Variants in CDH13 observed in about 807,000 individuals in gnomAD.
CDH13 encodes cadherin-13.
Under a neutral mutation model 63.8 loss-of-function variants are expected in CDH13, and 24 were observed. The ratio of observed to expected loss-of-function variants is 0.38; its 90% confidence interval spans 0.27 to 0.53. The LOEUF (loss-of-function observed/expected upper bound fraction) is 0.53. Ranked by LOEUF, CDH13 falls within the 20% of genes least tolerant of loss-of-function variation. The pLI is 0.85. For missense variants in CDH13, 1,049 were observed against 903.1 expected (o/e 1.16, Z -2.07); for synonymous variants, 503 against 355.3 (o/e 1.42, Z -4.67).
intron 2 of CDH13, among the ~76,000 whole-genome samples, chr16:82,927,687 T>C (rs971466799): frequency 3.3e-5 from 5 of 152,184 alleles, no homozygotes; most frequent in Non-Finnish European, 5.9e-5. Flanking sequence ...CTCATCACAC[T>C]GTATTGTCAT....
At chr16:83,506,629 G>T (rs150205143) in intron 7 of CDH13, among the ~76,000 whole-genome samples, 2 of 152,188 alleles carry the variant, frequency 1.3e-5, no homozygotes, top group Non-Finnish European at 2.9e-5. Context: ...ATGCTCCTGC[G>T]TGGTCCCCTC....
chr16:83,440,005 G>A lies in CDH13; in HGVS notation c.782-46472G>A, dbSNP rs144435488. ...AGGAGAGAGTAGGGCTGATGTGGTA[G>A]AGGGTGGACCCACGGTGTCTGTGCA... On this transcript the variant is annotated intron_variant, in intron 6 of 13. Coordinates refer to ENST00000567109, the MANE Select transcript of CDH13 (RefSeq NM_001257.5). 1.8e-4 allele frequency among the ~76,000 whole-genome samples: 28 copies of A among 152,328 alleles called. No homozygotes were observed. In the East Asian group the frequency reaches 4.8e-3, roughly 26 times the overall value.
chr16:83,001,521 G>A (rs569765545), intron 2 of CDH13, among the ~76,000 whole-genome samples: 1 of 152,362 alleles, frequency 6.6e-6, no homozygotes, highest in Admixed American at 6.5e-5. Flanking sequence ...CAGGGCCTCA[G>A]CCAGGGAGCT....
At chr16:83,151,526 G>T (rs2036978962) in intron 4 of CDH13, among the ~76,000 whole-genome samples, 1 of 152,088 alleles carries the variant, frequency 6.6e-6, no homozygotes, top group South Asian at 2.1e-4. Flanking sequence ...CAGAACAACT[G>T]AACCCCTAAA....
At chr16:83,377,536 T>C (rs377716741) in intron 6 of CDH13, among the ~76,000 whole-genome samples, 4 of 152,318 alleles carry the variant, frequency 2.6e-5, no homozygotes, top group African/African-American at 9.6e-5. Flanking sequence ...ATAGTAGTAT[T>C]ATTTCACTCA....
chr16:83,195,089 G>A (rs2038840311), intron 4 of CDH13, among the ~76,000 whole-genome samples: 1 of 152,168 alleles, frequency 6.6e-6, no homozygotes, highest in African/African-American at 2.4e-5. Context: ...AATGTAAAAT[G>A]TGGAGAATTA....
chr16:83,473,506 TCAGC>T (rs1375989184), intron 6 of CDH13, among the ~76,000 whole-genome samples: 9 of 152,144 alleles, frequency 5.9e-5, no homozygotes, highest in Admixed American at 2.0e-4. Context: ...ACCTGGAACT[TCAGC>T]CAGGTCACTT....
intron 1 of CDH13, among the ~76,000 whole-genome samples, chr16:82,680,163 C>T (rs1198570147): frequency 1.3e-5 from 2 of 152,156 alleles, no homozygotes; most frequent in African/African-American, 2.4e-5. Flanking sequence ...GCAGGAAGGA[C>T]TCCTGGACAG....
At chr16:83,159,583 A>G (rs78423309) in intron 4 of CDH13, among the ~76,000 whole-genome samples, 8,274 of 152,316 alleles carry the variant, frequency 0.054, 278 homozygotes, top group African/African-American at 0.064. Flanking sequence ...ACATGTTAAC[A>G]TAGGCACATA....
chr16:82,963,977 G>A (rs895724434), intron 2 of CDH13, among the ~76,000 whole-genome samples: 3 of 152,162 alleles, frequency 2.0e-5, no homozygotes, highest in Non-Finnish European at 4.4e-5. Flanking sequence ...CCCACACACC[G>A]CTGTTCACAC....
chr16:83,626,429 C>G (rs1013150883), intron 8 of CDH13, among the ~76,000 whole-genome samples: 1 of 152,292 alleles, frequency 6.6e-6, no homozygotes, highest in African/African-American at 2.4e-5. Context: ...TCAGGTCATT[C>G]TGCAGGCGTT....
At chr16:83,316,230 C>T (rs892532750) in intron 5 of CDH13, among the ~76,000 whole-genome samples, 2 of 152,182 alleles carry the variant, frequency 1.3e-5, no homozygotes, top group African/African-American at 2.4e-5. Context: ...TCCCCAAACA[C>T]GTGGGGATTA....
At chr16:82,958,063 T>C (rs1470977753) in intron 2 of CDH13, among the ~76,000 whole-genome samples, 7 of 152,206 alleles carry the variant, frequency 4.6e-5, no homozygotes, top group African/African-American at 1.7e-4. Context: ...GTCTTTCTCT[T>C]AGTAAACTCA....
chr16:83,019,596 A>C (rs1048833932), intron 2 of CDH13, among the ~76,000 whole-genome samples: 1 of 151,178 alleles, frequency 6.6e-6, no homozygotes, highest in Non-Finnish European at 1.5e-5. Context: ...CCTGGGTTCA[A>C]GTGATCCTCC....
intron 3 of CDH13, among the ~76,000 whole-genome samples, chr16:83,099,897 T>C (rs994867534): frequency 5.3e-5 from 8 of 152,112 alleles, no homozygotes; most frequent in African/African-American, 1.7e-4. Flanking sequence ...GTTTTATGCT[T>C]TCTTCTGCCT....
intron 6 of CDH13, among the ~76,000 whole-genome samples, chr16:83,348,500 G>A (rs1298595897): frequency 6.6e-6 from 1 of 152,220 alleles, no homozygotes; most frequent in Non-Finnish European, 1.5e-5. Flanking sequence ...ACACAGCCAA[G>A]GGAACAGAAG....
intron 1 of CDH13, among the ~76,000 whole-genome samples, chr16:82,848,081 A>G (rs2039337905): frequency 6.6e-6 from 1 of 152,180 alleles, no homozygotes; most frequent in Admixed American, 6.5e-5. Context: ...GAACAAAGAG[A>G]AAGTTGGAGG....
chr16:83,199,775 C>T (rs1198416471), intron 4 of CDH13, among the ~76,000 whole-genome samples: 1 of 152,130 alleles, frequency 6.6e-6, no homozygotes, highest in East Asian at 1.9e-4. Flanking sequence ...TTCTGTCCTC[C>T]CGAGGACCTC....
chr16:83,488,728 A>C (rs1030940088), intron 7 of CDH13, among the ~76,000 whole-genome samples: 4 of 152,020 alleles, frequency 2.6e-5, no homozygotes, highest in African/African-American at 9.7e-5. Context: ...AGGTTGAAGC[A>C]ATTCTCCTGT....
Sources: allele counts gnomAD v4.1 joint callset (sites outside exome capture counted in the v4.1 genomes callset), GRCh38; gene constraint gnomAD v4.1.1; transcripts MANE v1.5; gene names NCBI Gene and HGNC (gene_info 2026-07-23, HGNC 2026-07-21).